Variants in CENPF observed in about 807,000 individuals in gnomAD.
The protein encoded by CENPF is AH antigen.
Under a neutral mutation model 307.3 loss-of-function variants are expected in CENPF, and 214 were observed. The ratio of observed to expected loss-of-function variants is 0.70; its 90% CI spans 0.62 to 0.78. The LOEUF (loss-of-function observed/expected upper bound fraction) is 0.78, where lower values mean the gene tolerates loss of function less well. CENPF is among the 30% of genes least tolerant of loss of function. CENPF has a pLI of 0.00. For missense variants in CENPF, 3,401 were observed against 3,483.9 expected (o/e 0.98, Z 0.60); for synonymous variants, 1,259 against 1,270.6 (o/e 0.99, Z 0.19).
chr1:214,640,973 G>A lies in CENPF; in HGVS notation c.2635G>A (p.Ala879Thr). The A allele has an allele frequency of 6.3e-7, 1 of 1,598,628 alleles. No individual in the cohort carries two copies. Among genetic ancestry groups the A allele is most frequent in the Non-Finnish European group, 8.5e-7 (1 of 1,176,128 alleles). ...AGAACAGATGCATCAAAGTTTTGTG[G>A]CTGAAACAAGTCAGCGCATTAGTAA... ...KAEQMHQSFV[A>T]ETSQRISKLQ... is the part of the protein sequence containing the mutation. The change falls in exon 12 of 20, where the codon GCT (alanine) becomes ACT (threonine). Residue 879 changes from alanine (A) to threonine (T), a missense_variant. By Grantham distance (58) the Ala-to-Thr change is moderately conservative. Coordinates refer to ENST00000366955, the MANE Select transcript of CENPF (RefSeq NM_016343.4).
chr1:214,658,943 A>G lies in CENPF; in HGVS notation c.9056A>G (p.Lys3019Arg). ...ACCAGCCCCCGCCTGGCTGCACAGA[A>G]GTTAGCGCTATCCCCACTGAGTCTC... ...TRTSPRLAAQ[K>R]LALSPLSLGK... Residue 3019 changes from lysine to arginine, a missense_variant, in exon 19 of 20, where the codon AAG (lysine) becomes AGG (arginine). Coordinates refer to ENST00000366955, the MANE Select transcript of CENPF (RefSeq NM_016343.4). 2 of 1,614,126 alleles carry G rather than the reference A, an allele frequency of 1.2e-6. No individual in the cohort carries two copies. Among genetic ancestry groups the G allele is most frequent in the Non-Finnish European group, 1.7e-6 (2 of 1,180,008 alleles).
At chr1:214,607,671 G>T (rs1657073483) in intron 1 of CENPF, among the ~76,000 whole-genome samples, 1 of 152,228 alleles carries the variant, frequency 6.6e-6, no homozygotes, top group African/African-American at 2.4e-5. Context: ...AAGGTCACCA[G>T]AGGCCCACCC....
In CENPF at chr1:214,645,507, G is replaced by C. The variant is rs765575025; in HGVS notation, c.5937G>C (p.Gln1979His). 4 of 1,614,124 alleles carry C rather than the reference G, an allele frequency of 2.5e-6. No homozygotes were observed. Among genetic ancestry groups the C allele is most frequent in the Non-Finnish European group, 3.4e-6 (4 of 1,180,018 alleles). ...CAAAAAAAACCACGGCACTGGATCA[G>C]TTGTCTGAAAAAATGAAGGAGAAAA... ...TMSKKTTALD[Q>H]LSEKMKEKTQ... The change falls in exon 13 of 20, where the codon CAG (glutamine) becomes CAC (histidine). Residue 1979 changes from glutamine to histidine, a missense_variant. By Grantham distance (24) the Gln-to-His change is conservative (BLOSUM62 0). Coordinates refer to ENST00000366955, the MANE Select transcript of CENPF (RefSeq NM_016343.4).
intron 16 of CENPF, chr1:214,654,296 G>A (rs1366050947): frequency 2.6e-5 from 4 of 152,228 alleles, no homozygotes; most frequent in Admixed American, 2.6e-4. Context: ...TACTGGGCCA[G>A]GTGTGGTGAC....
intron 3 of CENPF, among the ~76,000 whole-genome samples, chr1:214,617,097 A>G (rs1368972167): frequency 1.4e-5 from 2 of 148,112 alleles, no homozygotes; most frequent in Non-Finnish European, 3.0e-5. Flanking sequence ...CCCAGGCTGG[A>G]GTGCAGTGCT....
chr1:214,653,787 C>T (rs920219090), intron 16 of CENPF: 1 of 151,954 alleles, frequency 6.6e-6, no homozygotes, highest in Non-Finnish European at 1.5e-5. Context: ...CAATTAAATA[C>T]AAAGTAGTAA....
chr1:214,604,415 T>G (rs1446880356), intron 1 of CENPF, among the ~76,000 whole-genome samples: 1 of 152,198 alleles, frequency 6.6e-6, no homozygotes. Context: ...TTTGCCCCAA[T>G]GGCCCAATAC....
intron 4 of CENPF, 106 bp from the exon 5 acceptor site, chr1:214,619,023 T>G (rs1657433893): frequency 1.6e-6 from 1 of 621,338 alleles, no homozygotes; most frequent in Admixed American, 3.3e-5. Context: ...AAATGTTGTT[T>G]CTACTAAGAT....
At chr1:214,619,096 G>C in intron 4 of CENPF, 33 bp from the exon 5 acceptor site, 1 of 1,099,312 alleles carries the variant, frequency 9.1e-7, no homozygotes, top group South Asian at 1.4e-5. Context: ...ATCAATGACT[G>C]AAAGAAAACT....
intron 8 of CENPF, among the ~76,000 whole-genome samples, chr1:214,630,233 C>G (rs1023069784): frequency 2.6e-5 from 4 of 152,222 alleles, no homozygotes; most frequent in Admixed American, 1.3e-4. Context: ...TCTCTCTTGC[C>G]CCTGATCCTT....
At chr1:214,613,032 G>A (rs868286124) in intron 1 of CENPF, 27 of 336,888 alleles carry the variant, frequency 8.0e-5, no homozygotes, top group African/African-American at 5.4e-4. Flanking sequence ...AGGCACCAAA[G>A]CTCTTGTAGG....
intron 11 of CENPF, among the ~76,000 whole-genome samples, chr1:214,638,900 G>C (rs1439205372): frequency 3.3e-5 from 5 of 152,238 alleles, no homozygotes; most frequent in African/African-American, 4.8e-5. Flanking sequence ...CTTTCTTGAA[G>C]GGAAACTGTA....
intron 18 of CENPF, among the ~76,000 whole-genome samples, chr1:214,658,478 A>C: frequency 6.7e-6 from 1 of 148,162 alleles, no homozygotes; most frequent in Non-Finnish European, 1.5e-5. Context: ...TTTCCATTAT[A>C]CCCTCCTTTT....
chr1:214,621,976 G>C (rs2102539529), intron 6 of CENPF, 103 bp from the exon 7 acceptor site: 1 of 914,392 alleles, frequency 1.1e-6, no homozygotes, highest in East Asian at 2.7e-5. Context: ...GTAAATATTT[G>C]TTTCGTCAAA....
chr1:214,608,983 C>T (rs1472126901), intron 1 of CENPF: 13 of 828,118 alleles, frequency 1.6e-5, no homozygotes, highest in Non-Finnish European at 2.2e-5. Context: ...CAGACGGCAG[C>T]CCCGTTAGGA....
Position 214,655,366 on chromosome 1 carries a change from C to T in CENPF, c.8448C>T (p.Leu2816=). 1.2e-6 allele frequency: 2 copies of T among 1,607,752 alleles called. No individual in the cohort carries two copies. Among genetic ancestry groups the T allele is most frequent in the Non-Finnish European group, 1.7e-6 (2 of 1,177,452 alleles). Residue 2816 remains leucine (L), a synonymous_variant, in exon 17 of 20, where the codon CTC becomes CTT. Transcript: ENST00000366955. Reference sequence around the variant, plus strand: ...AAAAGGAGATACTGCAGAAAGAACTCTCTCAACTTCAAGCTGCACAGGAGA... The same window carrying T: ...AAAAGGAGATACTGCAGAAAGAACTTTCTCAACTTCAAGCTGCACAGGAGA... ...EEEKEILQKE[L]SQLQAAQEKQ...
At chr1:214,658,383 A>T (rs1571730287) in intron 18 of CENPF, among the ~76,000 whole-genome samples, 1 of 151,960 alleles carries the variant, frequency 6.6e-6, no homozygotes, top group East Asian at 1.9e-4. Context: ...CTCTCCTCCC[A>T]CCTACATGAG....
rs1337279088 is a variant in CENPF at position 214,642,603 on chromosome 1, A to G, written c.4265A>G (p.His1422Arg). 7 of 1,609,148 alleles carry G rather than the reference A, an allele frequency of 4.4e-6. No individual in the cohort carries two copies. Among genetic ancestry groups the G allele is most frequent in the South Asian group, 1.1e-5 (1 of 90,340 alleles). The change falls in exon 12 of 20, where the codon CAT (histidine) becomes CGT (arginine). Residue 1422 changes from histidine to arginine, a missense_variant. Transcript: ENST00000366955. ...TTACAAAGTGAACACAAAATTTTACATGATCAGCACTGTCAGATGAGCTCT... is the reference window on the plus strand; with the variant it reads ...TTACAAAGTGAACACAAAATTTTACGTGATCAGCACTGTCAGATGAGCTCT... The part of the protein sequence containing the change: ...LSLQSEHKIL[H>R]DQHCQMSSKM...
chr1:214,644,464 C>T (rs150859401), intron 12 of CENPF, 93 bp from the exon 13 acceptor site: 31 of 1,179,042 alleles, frequency 2.6e-5, no homozygotes, highest in Middle Eastern at 2.3e-4. Context: ...GCAGAGGCCA[C>T]GCATCAGTTT....
Sources: gnomAD v4.1 joint callset for allele counts (sites outside exome capture counted in the v4.1 genomes callset) on GRCh38, gnomAD v4.1.1 for gene constraint, MANE v1.5 for transcripts, NCBI Gene and HGNC (gene_info 2026-07-23, HGNC 2026-07-21) for gene names.